Variants in TNFRSF19 observed in about 807,000 individuals in gnomAD.
TNFRSF19 encodes the protein TNF receptor superfamily member 19.
Under a neutral mutation model 46.4 loss-of-function variants are expected in TNFRSF19, and 27 were observed. The ratio of observed to expected loss-of-function variants is 0.58; its 90% CI spans 0.43 to 0.80. The LOEUF is 0.80. Among genes scored for constraint, TNFRSF19 ranks in the 30% least tolerant of loss-of-function variants. The pLI, the probability that TNFRSF19 is intolerant of heterozygous loss-of-function variation, is 0.00. For synonymous variants in TNFRSF19, 204 were observed against 205.0 expected (o/e 1.00, Z 0.04); for missense variants, 511 against 530.8 (o/e 0.96, Z 0.37).
chr13:23,669,578 A>C, intron 9 of TNFRSF19: 2 of 985,100 alleles, frequency 2.0e-6, no homozygotes, highest in Non-Finnish European at 2.4e-6. Flanking sequence ...TTTCTGGATC[A>C]CTCTGCTTTA....
chr13:23,666,705 G>A (rs1951639872), intron 7 of TNFRSF19, among the ~76,000 whole-genome samples: 1 of 152,182 alleles, frequency 6.6e-6, no homozygotes, highest in Non-Finnish European at 1.5e-5. Context: ...ATGTCTCATG[G>A]TGAGCGTGAC....
At chr13:23,618,679 CT>C (rs934209459) in intron 4 of TNFRSF19, among the ~76,000 whole-genome samples, 4 of 152,198 alleles carry the variant, frequency 2.6e-5, no homozygotes, top group Non-Finnish European at 5.9e-5. Context: ...ACCAAGAGAA[CT>C]GAAAACACGT....
At chr13:23,609,400 G>A (rs55762832) in intron 3 of TNFRSF19, among the ~76,000 whole-genome samples, 11,942 of 152,234 alleles carry the variant, frequency 0.078, 692 homozygotes, top group East Asian at 0.28. Context: ...TTTGGGATAT[G>A]TGGGAGAGGA....
chr13:23,600,836 A>C (rs942258439), intron 3 of TNFRSF19, among the ~76,000 whole-genome samples: 1 of 152,184 alleles, frequency 6.6e-6, no homozygotes, highest in South Asian at 2.1e-4. Context: ...ACATTACTAA[A>C]GGCCTGTTTA....
At chr13:23,607,112 T>C (rs1880560954) in intron 3 of TNFRSF19, among the ~76,000 whole-genome samples, 1 of 139,050 alleles carries the variant, frequency 7.2e-6, no homozygotes, top group Non-Finnish European at 1.5e-5. Context: ...CGTTTATAAA[T>C]AATCTTTTTT....
intron 2 of TNFRSF19, among the ~76,000 whole-genome samples, chr13:23,591,616 G>C (rs1251521293): frequency 6.6e-6 from 1 of 152,096 alleles, no homozygotes; most frequent in African/African-American, 2.4e-5. Context: ...CGGTCTCTCT[G>C]TGGTGGAAGG....
chr13:23,602,856 G>A (rs891011088), intron 3 of TNFRSF19, among the ~76,000 whole-genome samples: 3 of 151,960 alleles, frequency 2.0e-5, no homozygotes, highest in Non-Finnish European at 4.4e-5. Context: ...GGGATGCAGT[G>A]AACCAGTGCT....
chr13:23,658,849 T>C lies in TNFRSF19; in HGVS notation c.446-201T>C, dbSNP rs190375483. Among the ~76,000 whole-genome samples, 180 of 152,286 alleles carry C rather than the reference T, an allele frequency of 1.2e-3. 1 individual carries two copies. Among genetic ancestry groups the C allele is most frequent in the African/African-American group, 4.0e-3 (165 of 41,564 alleles). ...CTGGGAACAGAGGAGAGGGACACCC[T>C]GCACATTGTGGGGTGCCGGGTAAAG... On this transcript the variant is annotated intron_variant, in intron 5 of 9. Coordinates refer to ENST00000248484, the MANE Select transcript of TNFRSF19 (RefSeq NM_148957.4).
In TNFRSF19 at chr13:23,673,460, T is replaced by C. The variant is rs1393501585; in HGVS notation, c.*80T>C. 2.3e-5 allele frequency: 34 copies of C among 1,471,544 alleles called. No individual in the cohort carries two copies. The highest frequency in any genetic ancestry group is 3.0e-5 in the Non-Finnish European group (33 of 1,102,402). 91.2% of individuals were successfully genotyped at this position (1,471,544 alleles called of 1,614,324 possible). A position where few individuals can be genotyped will look rare whatever the true frequency, so the allele number is the denominator to read the frequency against. On this transcript the variant is annotated 3_prime_UTR_variant, in exon 10 of 10. Coordinates refer to ENST00000248484, the MANE Select transcript of TNFRSF19 (RefSeq NM_148957.4). ...TTTGTTAGGCTTATGGACTGAGCAG[T>C]CTGGACCTTGCATGGCTTCTGGGGC...
chr13:23,584,892 T>C (rs1878712833), intron 1 of TNFRSF19, among the ~76,000 whole-genome samples: 1 of 152,166 alleles, frequency 6.6e-6, no homozygotes, highest in Admixed American at 6.5e-5. Flanking sequence ...CAGAATATAG[T>C]GAGATTGAAA....
At chr13:23,592,163 A>G (rs1043284677) in intron 2 of TNFRSF19, among the ~76,000 whole-genome samples, 1 of 152,214 alleles carries the variant, frequency 6.6e-6, no homozygotes, top group Non-Finnish European at 1.5e-5. Context: ...AGGTTTGTAC[A>G]GAATTATATG....
Position 23,668,860 on chromosome 13 carries a change from T to G in TNFRSF19, c.1008T>G (p.Ser336=). ...AACTCACTGGAGAAGACATTCATTC[T>G]CTCAATCCAGAACTTGAAAGCTCAA... is the stretch of plus-strand genomic sequence containing the variant. ...YPELTGEDIH[S]LNPELESSTS... is the part of the protein sequence containing the mutation. The change falls in exon 9 of 10, where the codon TCT becomes TCG. Residue 336 remains serine (S), a synonymous_variant. Coordinates refer to ENST00000248484, the MANE Select transcript of TNFRSF19 (RefSeq NM_148957.4). 1 of 1,614,266 alleles carries G rather than the reference T, an allele frequency of 6.2e-7. No individual in the cohort carries two copies.
chr13:23,645,026 G>A (rs1444137934), intron 5 of TNFRSF19, among the ~76,000 whole-genome samples: 1 of 152,154 alleles, frequency 6.6e-6, no homozygotes, highest in African/African-American at 2.4e-5. Context: ...CTTACTTTGT[G>A]ACATCACATT....
At chr13:23,578,129 G>A (rs1285829004) in intron 1 of TNFRSF19, among the ~76,000 whole-genome samples, 1 of 152,178 alleles carries the variant, frequency 6.6e-6, no homozygotes, top group African/African-American at 2.4e-5. Flanking sequence ...AGGTGTAGCT[G>A]GGGAAGGAAA....
intron 7 of TNFRSF19, among the ~76,000 whole-genome samples, chr13:23,661,223 GTGT>G (rs755641408): frequency 7.9e-5 from 12 of 152,134 alleles, no homozygotes; most frequent in Non-Finnish European, 1.5e-4. Flanking sequence ...ACCCCATTGT[GTGT>G]TGTTCCCTTC....
At chr13:23,571,598 A>G (rs1227228185) in intron 1 of TNFRSF19, among the ~76,000 whole-genome samples, 2 of 152,196 alleles carry the variant, frequency 1.3e-5, no homozygotes, top group Non-Finnish European at 2.9e-5. Context: ...AGCTGTTTTA[A>G]GTCAAAATTT....
chr13:23,579,030 G>A (rs1429049367), intron 1 of TNFRSF19, among the ~76,000 whole-genome samples: 4 of 152,236 alleles, frequency 2.6e-5, no homozygotes, highest in Non-Finnish European at 5.9e-5. Context: ...GCCCACGCGG[G>A]AAAGGCTGAA....
chr13:23,628,478 C>T (rs944401092), intron 5 of TNFRSF19, among the ~76,000 whole-genome samples: 2 of 152,198 alleles, frequency 1.3e-5, no homozygotes, highest in Non-Finnish European at 2.9e-5. Flanking sequence ...TAAAATCATG[C>T]ACTGCAGCCC....
At chr13:23,616,789 G>C (rs1359528658) in intron 4 of TNFRSF19, among the ~76,000 whole-genome samples, 1 of 152,058 alleles carries the variant, frequency 6.6e-6, no homozygotes, top group Non-Finnish European at 1.5e-5. Flanking sequence ...TCTCCATGTT[G>C]GTTGGTCTCA....
Sources: gnomAD v4.1 joint callset for allele counts (sites outside exome capture counted in the v4.1 genomes callset) on GRCh38, gnomAD v4.1.1 for gene constraint, MANE v1.5 for transcripts, NCBI Gene and HGNC (gene_info 2026-07-23, HGNC 2026-07-21) for gene names.